Variants in SNTG1 observed in about 807,000 individuals in gnomAD.
The protein encoded by SNTG1 is gamma-1-syntrophin.
In SNTG1, 39 loss-of-function variants were observed where a neutral mutation model predicts 74.7. That is an observed-to-expected ratio of 0.52 (90% CI 0.40 to 0.68). SNTG1 has a LOEUF of 0.68. SNTG1 is among the 30% of genes least tolerant of loss of function. SNTG1 has a pLI of 0.00. For synonymous variants in SNTG1, 254 were observed against 217.1 expected (o/e 1.17, Z -1.49); for missense variants, 685 against 609.5 (o/e 1.12, Z -1.30).
intron 4 of SNTG1, among the ~76,000 whole-genome samples, chr8:50,414,170 G>A (rs2092986044): frequency 6.6e-6 from 1 of 152,052 alleles, no homozygotes; most frequent in African/African-American, 2.4e-5. Flanking sequence ...CCCTCAGTTT[G>A]GCTCTATAAT....
chr8:50,134,158 T>TAAAA (rs2081399750), intron 1 of SNTG1, among the ~76,000 whole-genome samples: 1 of 152,148 alleles, frequency 6.6e-6, no homozygotes, highest in Non-Finnish European at 1.5e-5. Flanking sequence ...GGTGGTGGGT[T>TAAAA]AATATCAGTG....
At position 50,792,916 on chromosome 8, in the gene SNTG1, A is replaced by G; in HGVS notation, c.*87A>G. 5 of 1,391,016 alleles carry G rather than the reference A, an allele frequency of 3.6e-6. No homozygotes were observed. Among genetic ancestry groups the G allele is most frequent in the Non-Finnish European group, 4.7e-6 (5 of 1,052,672 alleles). 86.2% of individuals were successfully genotyped at this position (1,391,016 alleles called of 1,614,324 possible). A position where few individuals can be genotyped will look rare whatever the true frequency, so the allele number is the denominator to read the frequency against. On this transcript the variant is annotated 3_prime_UTR_variant, in exon 19 of 19. Coordinates refer to ENST00000642720, the MANE Select transcript of SNTG1 (RefSeq NM_018967.5). The stretch of plus-strand genomic sequence containing the variant: ...TTTTAGACCCTAGAGAAACCATAAC[A>G]TCACCAAGTCGACAGTGGAGGCAAA...
chr8:50,436,541 A>G (rs1450583280), intron 4 of SNTG1, among the ~76,000 whole-genome samples: 1 of 152,110 alleles, frequency 6.6e-6, no homozygotes, highest in Non-Finnish European at 1.5e-5. Flanking sequence ...AAAGCTTTTA[A>G]TTGCTATGTA....
chr8:50,379,954 T>C (rs1017581205), intron 2 of SNTG1, among the ~76,000 whole-genome samples: 1 of 152,126 alleles, frequency 6.6e-6, no homozygotes, highest in African/African-American at 2.4e-5. Context: ...TGGCAGGAGC[T>C]TGGACATGAG....
At chr8:50,569,739 C>T (rs1162075078) in intron 12 of SNTG1, among the ~76,000 whole-genome samples, 1 of 152,070 alleles carries the variant, frequency 6.6e-6, no homozygotes, top group Non-Finnish European at 1.5e-5. Context: ...CATTTTCTTC[C>T]TTTTTTATAG....
At chr8:49,981,148 G>A (rs1274236895) in intron 1 of SNTG1, among the ~76,000 whole-genome samples, 1 of 152,172 alleles carries the variant, frequency 6.6e-6, no homozygotes, top group Non-Finnish European at 1.5e-5. Context: ...TGGGGAGAAG[G>A]AAAGCCATGT....
intron 2 of SNTG1, among the ~76,000 whole-genome samples, chr8:50,183,525 G>A (rs184136283): frequency 2.0e-4 from 31 of 152,170 alleles, no homozygotes; most frequent in South Asian, 4.1e-4. Flanking sequence ...CCCATAGCAC[G>A]TTATGGCTTC....
intron 12 of SNTG1, among the ~76,000 whole-genome samples, chr8:50,563,825 C>A: frequency 6.6e-6 from 1 of 152,094 alleles, no homozygotes; most frequent in East Asian, 1.9e-4. Flanking sequence ...AGCCCCATTT[C>A]CTGCCCAATT....
rs116656914 is a variant in SNTG1, at chr8:50,117,445, A to T, written c.-102-55116A>T. ...AGATTGATTCCTGACATCAGTATAC[A>T]ATATGTTTTTCTTTTTCTTATAAAG... On this transcript the variant is annotated intron_variant, in intron 1 of 18. Transcript: ENST00000642720. Among the ~76,000 whole-genome samples the T allele has an allele frequency of 1.2e-3, 183 of 152,284 alleles. 2 individuals are homozygous for T. The highest frequency in any genetic ancestry group is 4.2e-3 in the African/African-American group (176 of 41,570).
chr8:49,974,197 C>A (rs572174740), intron 1 of SNTG1, among the ~76,000 whole-genome samples: 1 of 152,104 alleles, frequency 6.6e-6, no homozygotes, highest in Non-Finnish European at 1.5e-5. Flanking sequence ...AACGATAGCC[C>A]GATAAAATTA....
At chr8:50,215,875 G>A (rs554003866) in intron 2 of SNTG1, among the ~76,000 whole-genome samples, 5 of 152,242 alleles carry the variant, frequency 3.3e-5, no homozygotes, top group Non-Finnish European at 5.9e-5. Context: ...AACTTCTTAT[G>A]AGTAATATGC....
intron 1 of SNTG1, among the ~76,000 whole-genome samples, chr8:50,049,060 C>T (rs112438229): frequency 6.7e-6 from 1 of 150,042 alleles, no homozygotes; most frequent in Non-Finnish European, 1.5e-5. Context: ...ATAAAATGCT[C>T]AATTAAAGCT....
intron 2 of SNTG1, among the ~76,000 whole-genome samples, chr8:50,256,570 G>A (rs971584294): frequency 3.3e-5 from 5 of 151,852 alleles, no homozygotes; most frequent in Non-Finnish European, 7.4e-5. Context: ...GGAAATAGCA[G>A]AATTGAGGGA....
intron 1 of SNTG1, among the ~76,000 whole-genome samples, chr8:49,969,918 C>CTGTGTGTGTG (rs34129313): frequency 2.7e-5 from 4 of 149,004 alleles, no homozygotes; most frequent in African/African-American, 9.9e-5. Flanking sequence ...AATAAAAAAC[C>CTGTGTGTGTG]TGTGTGTGTG....
intron 1 of SNTG1, among the ~76,000 whole-genome samples, chr8:50,087,058 G>A (rs1347681648): frequency 6.6e-6 from 1 of 152,156 alleles, no homozygotes; most frequent in African/African-American, 2.4e-5. Flanking sequence ...AGGATTAAGA[G>A]TACCTTCAGC....
chr8:50,292,196 A>G (rs917430298), intron 2 of SNTG1, among the ~76,000 whole-genome samples: 4 of 152,188 alleles, frequency 2.6e-5, no homozygotes, highest in Admixed American at 2.6e-4. Context: ...ACAGAAGTGC[A>G]GAGGGAGGAA....
chr8:50,674,039 G>T (rs1400462966), intron 15 of SNTG1, among the ~76,000 whole-genome samples: 2 of 152,120 alleles, frequency 1.3e-5, no homozygotes, highest in East Asian at 3.8e-4. Flanking sequence ...CTTGATCATG[G>T]TGGGTAAGTT....
intron 1 of SNTG1, among the ~76,000 whole-genome samples, chr8:49,990,110 A>G (rs1166956304): frequency 6.6e-6 from 1 of 151,946 alleles, no homozygotes; most frequent in African/African-American, 2.4e-5. Flanking sequence ...AATTAAGGGG[A>G]AGAAAAAAGA....
chr8:50,135,622 G>GT (rs1430302816), intron 1 of SNTG1, among the ~76,000 whole-genome samples: 1 of 151,296 alleles, frequency 6.6e-6, no homozygotes, highest in African/African-American at 2.4e-5. Context: ...GGGGACTTTC[G>GT]TTTTTAAAAA....
Sources: gnomAD v4.1 joint callset for allele counts (sites outside exome capture counted in the v4.1 genomes callset) on GRCh38, gnomAD v4.1.1 for gene constraint, MANE v1.5 for transcripts, NCBI Gene and HGNC (gene_info 2026-07-23, HGNC 2026-07-21) for gene names.